CD109: variants seen among roughly 807,000 people sequenced by gnomAD.
CD109 encodes CD109 molecule.
A neutral mutation model predicts 165.8 loss-of-function variants in CD109; 149 were observed. The observed-to-expected ratio is 0.90, with a 90% CI of 0.79 to 1.03. CD109 has a LOEUF of 1.03. Among genes scored for constraint, CD109 ranks in the 50% least tolerant of loss-of-function variants. The probability of loss-of-function intolerance (pLI) is 0.00; values close to 1 mark genes in which losing one functional copy is unlikely to be tolerated. For synonymous variants in CD109, 585 were observed against 592.1 expected (o/e 0.99, Z 0.18); for missense variants, 1,712 against 1,677.8 (o/e 1.02, Z -0.36).
At chr6:73,681,292 A>C in the CD109 span, among the ~76,000 whole-genome samples, 1 of 150,854 alleles carries the variant, frequency 6.6e-6, no homozygotes, top group African/African-American at 2.4e-5. Flanking sequence ...CAGACAAGCT[A>C]ATTATAATAT....
At chr6:73,705,623 A>AAAAAGAAAAGAAAAGAAAAG (rs59423704) in intron 2 of CD109, among the ~76,000 whole-genome samples, 6 of 148,902 alleles carry the variant, frequency 4.0e-5, no homozygotes, top group African/African-American at 7.4e-5. Context: ...CTGTCTCAAG[A>AAAAAGAAAAGAAAAGAAAAG]AAAAGAAAAG....
chr6:73,724,402 G>T (rs1248135070), intron 3 of CD109, among the ~76,000 whole-genome samples: 1 of 152,088 alleles, frequency 6.6e-6, no homozygotes, highest in African/African-American at 2.4e-5. Flanking sequence ...CTATAGCTTT[G>T]ATTTGGAAGT....
the CD109 span, among the ~76,000 whole-genome samples, chr6:73,681,330 G>C: frequency 7.9e-6 from 1 of 127,020 alleles, no homozygotes; most frequent in East Asian, 2.3e-4. Flanking sequence ...CCATTTGTGT[G>C]TGTGTGTGTG....
intron 13 of CD109, 29 bp from the exon 14 acceptor site, chr6:73,768,026 A>G: frequency 6.3e-7 from 1 of 1,586,464 alleles, no homozygotes; most frequent in Non-Finnish European, 8.6e-7. Flanking sequence ...GTTTGGCAAT[A>G]AATTAAACCC....
In CD109 at chr6:73,823,737, T is replaced by C; in HGVS notation, c.*104T>C. 1.8e-6 allele frequency: 2 copies of C among 1,134,260 alleles called. No homozygotes were observed. The highest frequency in any genetic ancestry group is 2.5e-6 in the Non-Finnish European group (2 of 803,150). 70.3% of individuals were successfully genotyped at this position (1,134,260 alleles called of 1,614,324 possible). On this transcript the variant is annotated 3_prime_UTR_variant, in exon 33 of 33. Transcript: ENST00000287097. ...TGCTTCTATTTTGAAAAAAGAGTTT[T>C]TTTTCTTTCTATGGGGTTGCAGGGA...
the CD109 span, among the ~76,000 whole-genome samples, chr6:73,686,827 G>C: frequency 6.6e-6 from 1 of 152,242 alleles, no homozygotes; most frequent in African/African-American, 2.4e-5. Context: ...GAGTAGCTGG[G>C]ATTACAGGTG....
chr6:73,810,944 G>A, intron 27 of CD109, 48 bp from the exon 28 acceptor site: 1 of 1,537,962 alleles, frequency 6.5e-7, no homozygotes, highest in Non-Finnish European at 8.8e-7. Context: ...ACTCTTTGAA[G>A]ACCTTGATAT....
chr6:73,792,519 T>C (rs151128153), intron 22 of CD109, 107 bp from the exon 23 acceptor site: 457 of 919,804 alleles, frequency 5.0e-4, no homozygotes, highest in Non-Finnish European at 7.2e-4. Flanking sequence ...AATAATGATA[T>C]TGCTTCAATG....
intron 5 of CD109, among the ~76,000 whole-genome samples, chr6:73,740,617 T>C (rs1020163646): frequency 8.2e-5 from 12 of 147,226 alleles, no homozygotes; most frequent in East Asian, 2.0e-4. Flanking sequence ...TTTTTTTTTT[T>C]CGAGACAGAG....
At chr6:73,793,594 G>C (rs1775047465) in intron 23 of CD109, among the ~76,000 whole-genome samples, 1 of 152,222 alleles carries the variant, frequency 6.6e-6, no homozygotes, top group South Asian at 2.1e-4. Flanking sequence ...TACAGAGCTT[G>C]GATTTGGACT....
At chr6:73,727,486 G>T (rs1396291054) in intron 3 of CD109, among the ~76,000 whole-genome samples, 1 of 152,202 alleles carries the variant, frequency 6.6e-6, no homozygotes, top group African/African-American at 2.4e-5. Context: ...ATTAGTTAAG[G>T]TAACCCAAAG....
chr6:73,768,027 A>C lies in CD109; in HGVS notation c.1498-28A>C, dbSNP rs369870062. On this transcript the variant is annotated intron_variant, in intron 13 of 32. Coordinates refer to ENST00000287097, the MANE Select transcript of CD109 (RefSeq NM_133493.5). ...TGAGATCCTACTAGGTTTGGCAATAAATTAAACCCATCTACTGTTCTTTTC... is the reference window on the plus strand; with the variant it reads ...TGAGATCCTACTAGGTTTGGCAATACATTAAACCCATCTACTGTTCTTTTC... The C allele has an allele frequency of 5.7e-6, 9 of 1,590,044 alleles. No homozygotes were observed. In the African/African-American group the frequency reaches 1.1e-4, roughly 19 times the overall value.
Position 73,734,180 on chromosome 6 carries a change from G to A in CD109, c.508-2203G>A, listed in dbSNP as rs1198941000. ...CTCTCCCTCTGCCTTATTGGTAACA[G>A]TTAGACCTAGGTCCAAGACAGGCTT... On this transcript the variant is annotated intron_variant, in intron 4 of 32. Coordinates refer to ENST00000287097, the MANE Select transcript of CD109 (RefSeq NM_133493.5). 5.9e-5 allele frequency among the ~76,000 whole-genome samples: 9 copies of A among 152,300 alleles called. No individual in the cohort carries two copies. In the East Asian group the frequency reaches 1.7e-3, roughly 29 times the overall value.
the CD109 span, among the ~76,000 whole-genome samples, chr6:73,685,706 C>T: frequency 1.3e-5 from 2 of 152,150 alleles, no homozygotes; most frequent in African/African-American, 4.8e-5. Flanking sequence ...CCTCTGTTGT[C>T]CATCCCCTCA....
chr6:73,783,077 A>T (rs569968241), intron 18 of CD109, among the ~76,000 whole-genome samples: 2 of 151,154 alleles, frequency 1.3e-5, no homozygotes, highest in South Asian at 2.1e-4. Flanking sequence ...TTGTCACAGG[A>T]TGGGAAGCAC....
rs1280290967 is a variant in CD109 at position 73,815,086 on chromosome 6, G to A, written c.3874G>A (p.Asp1292Asn). Residue 1292 changes from aspartate (D) to asparagine (N), a missense_variant, in exon 30 of 33, where the codon GAT (aspartate) becomes AAT (asparagine). Physicochemically the swap from Asp to Asn is conservative, Grantham distance 23. Coordinates refer to ENST00000287097, the MANE Select transcript of CD109 (RefSeq NM_133493.5). ...AGATGTTGCTGTAAAAGAAAATAAA[G>A]ATGATCTCAATCATGTGGATTTGAA... Reference protein sequence around the residue: ...DLDVAVKENKDDLNHVDLNVC... With the variant: ...DLDVAVKENKNDLNHVDLNVC... The A allele has an allele frequency of 3.8e-6, 6 of 1,589,748 alleles. No individual in the cohort carries two copies. Among genetic ancestry groups the A allele is most frequent in the Non-Finnish European group, 5.1e-6 (6 of 1,172,156 alleles).
chr6:73,785,329 T>C, intron 19 of CD109, 35 bp from the exon 20 acceptor site: 1 of 1,157,074 alleles, frequency 8.6e-7, no homozygotes, highest in Non-Finnish European at 1.3e-6. Context: ...AATTTTGACC[T>C]GAATAAAAAT....
At chr6:73,687,593 G>C in the CD109 span, among the ~76,000 whole-genome samples, 6 of 151,992 alleles carry the variant, frequency 3.9e-5, no homozygotes, top group East Asian at 9.7e-4. Context: ...AACTGTCTGT[G>C]GTAGATTGAA....
At position 73,756,653 on chromosome 6, in the gene CD109, A is replaced by G; in HGVS notation, c.644A>G (p.Tyr215Cys). The G allele has an allele frequency of 6.4e-7, 1 of 1,553,890 alleles. No individual in the cohort carries two copies. Among genetic ancestry groups the G allele is most frequent in the Non-Finnish European group, 8.7e-7 (1 of 1,149,594 alleles). ...TCCCCTGCCCAATAGGACCAGACAT[A>G]CTATCAATCATTTCAGGTTTCAGAA... ...SIQVQVNDQT[Y>C]YQSFQVSEYV... The change falls in exon 6 of 33, where the codon TAC becomes TGC. Residue 215 changes from tyrosine to cysteine, a missense_variant. Transcript: ENST00000287097.
Sources: gnomAD v4.1 joint callset for allele counts (sites outside exome capture counted in the v4.1 genomes callset) on GRCh38, gnomAD v4.1.1 for gene constraint, MANE v1.5 for transcripts, NCBI Gene and HGNC (gene_info 2026-07-23, HGNC 2026-07-21) for gene names.